ISY1: variants seen among roughly 807,000 people sequenced by gnomAD.
The protein encoded by ISY1 is ISY1 spliceosome associated protein, also known as pre-mRNA-splicing factor ISY1 homolog.
In ISY1, 12 loss-of-function variants were observed where a neutral mutation model predicts 54.4. The observed-to-expected ratio is 0.22, with a 90% confidence interval of 0.14 to 0.36. The LOEUF (loss-of-function observed/expected upper bound fraction) is 0.36, where lower values mean the gene tolerates loss of function less well. Among genes scored for constraint, ISY1 ranks in the 10% least tolerant of loss-of-function variants. The probability of loss-of-function intolerance (pLI) is 1.00; values close to 1 mark genes in which losing one functional copy is unlikely to be tolerated. For synonymous variants in ISY1, 96 were observed against 117.9 expected, an observed-to-expected ratio of 0.81 and a Z score of 1.20; for missense variants, 282 against 342.2, an observed-to-expected ratio of 0.82 and a Z score of 1.39.
At chr3:129,146,161 T>C (rs1356187579) in intron 5 of ISY1, among the ~76,000 whole-genome samples, 1 of 152,084 alleles carries the variant, frequency 6.6e-6, no homozygotes, top group Non-Finnish European at 1.5e-5. Context: ...AGCAGTTCCA[T>C]TTATAAAACT....
chr3:129,130,718 C>T, intron 9 of ISY1, 82 bp from the exon 10 acceptor site: 1 of 1,424,720 alleles, frequency 7.0e-7, no homozygotes, highest in Non-Finnish European at 9.6e-7. Context: ...CACTACTCTG[C>T]AACTATTTAA....
chr3:129,130,081 C>T lies in ISY1; in HGVS notation c.858G>A (p.Ter286=), dbSNP rs371046397. 1 of 1,593,340 alleles carries T rather than the reference C, an allele frequency of 6.3e-7. No homozygotes were observed. The highest frequency in any genetic ancestry group is 1.4e-5 in the African/African-American group (1 of 73,796). Residue 286 remains the stop codon, a stop_retained_variant, in exon 11 of 11, where the codon TAG becomes TAA. Transcript: ENST00000393295. ...CTCCAAGGAGAGCCCCAGCTGGGTC[C>T]TAATACCCCAGGAGCCTTCTGGCTT... ...SEEARRLLGY[*]
intron 10 of ISY1, 116 bp from the exon 11 acceptor site, chr3:129,130,304 C>G: frequency 2.2e-6 from 3 of 1,380,168 alleles, no homozygotes; most frequent in Non-Finnish European, 2.9e-6. Flanking sequence ...GATTTAAATA[C>G]GCAGAATAGT....
chr3:129,157,716 C>CAG (rs1937186414), intron 3 of ISY1, among the ~76,000 whole-genome samples: 2 of 44,514 alleles, frequency 4.5e-5, no homozygotes, highest in Admixed American at 5.6e-4. Context: ...GCGTCCATCT[C>CAG]AAAAAAAAAA....
rs1266326183 is a variant in ISY1, at chr3:129,129,010, T to A, written c.*1071A>T. On this transcript the variant is annotated 3_prime_UTR_variant, in exon 11 of 11. Coordinates refer to ENST00000393295, the MANE Select transcript of ISY1 (RefSeq NM_020701.4). The stretch of plus-strand genomic sequence containing the variant: ...CTGTGGCCACGGACGCCATGGTGGG[T>A]CGGCTCACTCCCACCTAGACTCCTG... 6.6e-6 allele frequency: 1 copy of A among 152,204 alleles called. No individual in the cohort carries two copies. Among genetic ancestry groups the A allele is most frequent in the Non-Finnish European group, 1.5e-5 (1 of 68,114 alleles). The allele number at this position is 152,204 out of a possible 1,614,324, so 9.4% of individuals were successfully genotyped here.
Position 129,161,025 on chromosome 3 carries a change from A to T in ISY1, c.-50T>A. 1 of 1,524,482 alleles carries T rather than the reference A, an allele frequency of 6.6e-7. No homozygotes were observed. Among genetic ancestry groups the T allele is most frequent in the Non-Finnish European group, 8.8e-7 (1 of 1,131,036 alleles). 94.4% of individuals were successfully genotyped at this position (1,524,482 alleles called of 1,614,324 possible). A position where few individuals can be genotyped will look rare whatever the true frequency, so the allele number is the denominator to read the frequency against. ...GAGCCCCGCGGCCCCTGTCCAAGAA[A>T]CTCCACAGGCCCAGAAGACGCCGAC... On this transcript the variant is annotated 5_prime_UTR_variant, in exon 1 of 11. Coordinates refer to ENST00000393295, the MANE Select transcript of ISY1 (RefSeq NM_020701.4).
intron 5 of ISY1, among the ~76,000 whole-genome samples, chr3:129,150,342 C>T (rs1384412212): frequency 1.3e-5 from 2 of 152,118 alleles, no homozygotes; most frequent in African/African-American, 2.4e-5. Context: ...CCCATTCATT[C>T]GGGTCTTCTT....
chr3:129,134,685 G>C (rs1163935534), intron 8 of ISY1, 147 bp downstream of exon 8: 2 of 1,183,000 alleles, frequency 1.7e-6, no homozygotes, highest in Non-Finnish European at 2.2e-6. Flanking sequence ...ACAGGGGTCA[G>C]GGAATTAGCA....
At chr3:129,154,133 G>A (rs775963321) in intron 5 of ISY1, among the ~76,000 whole-genome samples, 4 of 151,450 alleles carry the variant, frequency 2.6e-5, no homozygotes, top group South Asian at 2.1e-4. Context: ...TCCCAGCTAC[G>A]CGGGAGGCTG....
intron 5 of ISY1, among the ~76,000 whole-genome samples, chr3:129,147,239 T>C (rs1009272225): frequency 2.7e-5 from 4 of 150,380 alleles, no homozygotes; most frequent in African/African-American, 7.4e-5. Context: ...CAGCCAGGAG[T>C]GATGGTGCAC....
chr3:129,140,239 G>T (rs1416602204), intron 7 of ISY1, 129 bp downstream of exon 7: 3 of 794,316 alleles, frequency 3.8e-6, no homozygotes, highest in East Asian at 2.6e-5. Flanking sequence ...TAAAATCTGG[G>T]AACAATAATT....
In ISY1 at chr3:129,141,976, G is replaced by A. The variant is rs764172843; in HGVS notation, c.301-1491C>T. Reference sequence around the variant, plus strand: ...TCCCAGCACTTTGTGAGACCAAGGCGGGAAGATCACCTGAGGTCAGGAGTT... The same window carrying A: ...TCCCAGCACTTTGTGAGACCAAGGCAGGAAGATCACCTGAGGTCAGGAGTT... On this transcript the variant is annotated intron_variant, in intron 6 of 10. Transcript: ENST00000393295. 3.3e-5 allele frequency among the ~76,000 whole-genome samples: 5 copies of A among 151,940 alleles called. No homozygotes were observed. In the East Asian group the frequency reaches 5.8e-4, roughly 18 times the overall value.
chr3:129,156,090 C>T (rs1025591403), intron 5 of ISY1, among the ~76,000 whole-genome samples: 14 of 152,000 alleles, frequency 9.2e-5, no homozygotes, highest in African/African-American at 2.9e-4. Context: ...GAATGTTCCA[C>T]GTGCTCTTAA....
intron 1 of ISY1, 132 bp downstream of exon 1, chr3:129,160,841 G>C: frequency 2.6e-6 from 3 of 1,175,244 alleles, no homozygotes; most frequent in Non-Finnish European, 3.6e-6. Context: ...GAATCCCCTC[G>C]TTACACCAAG....
In ISY1 at chr3:129,155,724, AT is replaced by A. The variant is rs201023627; in HGVS notation, c.187+908del. Among the ~76,000 whole-genome samples, 355 of 145,342 alleles carry A rather than the reference AT, an allele frequency of 2.4e-3. 2 individuals are homozygous for A. The highest frequency in any genetic ancestry group is 6.4e-3 in the African/African-American group (254 of 39,904). Reference sequence around the variant, plus strand: ...AGAGAAAATACTCTGTGTAATTTCAATTTTTTTTTTTTTTGAGATGGAGTTT... The same window carrying A: ...AGAGAAAATACTCTGTGTAATTTCAATTTTTTTTTTTTTGAGATGGAGTTT... On this transcript the variant is annotated intron_variant, in intron 5 of 10. Coordinates refer to ENST00000393295, the MANE Select transcript of ISY1 (RefSeq NM_020701.4).
rs373724730 is a variant in ISY1 at position 129,145,791 on chromosome 3, C to G, written c.270G>C (p.Arg90=). 28 of 1,614,066 alleles carry G rather than the reference C, an allele frequency of 1.7e-5. No individual in the cohort carries two copies. Among genetic ancestry groups the G allele is most frequent in the Non-Finnish European group, 2.3e-5 (27 of 1,180,028 alleles). The change falls in exon 6 of 11, where the codon CGG becomes CGC. Residue 90 remains arginine, a synonymous_variant. Coordinates refer to ENST00000393295, the MANE Select transcript of ISY1 (RefSeq NM_020701.4). ...LLREKGHWEV[R]IKELGGPDYG... is the part of the protein sequence containing the mutation. ...AATCAGGACCTCCCAGCTCCTTTAT[C>G]CGGACCTCCCAGTGTCCTTTCTCCC... is the stretch of plus-strand genomic sequence containing the variant.
chr3:129,154,869 T>C (rs888199590), intron 5 of ISY1, among the ~76,000 whole-genome samples: 1 of 151,826 alleles, frequency 6.6e-6, no homozygotes, highest in South Asian at 2.1e-4. Flanking sequence ...TTTGTATTTT[T>C]AGTAAAGACG....
At chr3:129,130,745 G>C (rs1160942968) in intron 9 of ISY1, 109 bp from the exon 10 acceptor site, 6 of 1,205,790 alleles carry the variant, frequency 5.0e-6, no homozygotes, top group Non-Finnish European at 6.9e-6. Context: ...AAAAAACTAA[G>C]AAAGTTCTAT....
At chr3:129,150,254 T>C (rs985995992) in intron 5 of ISY1, among the ~76,000 whole-genome samples, 3 of 152,182 alleles carry the variant, frequency 2.0e-5, no homozygotes, top group East Asian at 1.9e-4. Context: ...AGAATTTTGA[T>C]TGTGATATAT....
Sources: gnomAD v4.1 joint callset for allele counts (sites outside exome capture counted in the v4.1 genomes callset) on GRCh38, gnomAD v4.1.1 for gene constraint, MANE v1.5 for transcripts, NCBI Gene and HGNC (gene_info 2026-07-23, HGNC 2026-07-21) for gene names.